The following CYSTM1 variants were observed in gnomAD, a reference collection of about 807,000 sequenced individuals.
CYSTM1 encodes the protein cysteine rich transmembrane module containing 1.
In CYSTM1, 4 loss-of-function variants were observed where a neutral mutation model predicts 13.1. The observed-to-expected ratio is 0.31, with a 90% CI of 0.15 to 0.70. The LOEUF (loss-of-function observed/expected upper bound fraction) is 0.70, where lower values mean the gene tolerates loss of function less well. CYSTM1 is among the 30% of genes least tolerant of loss of function. The probability of loss-of-function intolerance (pLI) is 0.72; values close to 1 mark genes in which losing one functional copy is unlikely to be tolerated. For synonymous variants in CYSTM1, 36 were observed against 42.7 expected (o/e 0.84, Z 0.62); for missense variants, 96 against 121.6 (o/e 0.79, Z 0.99).
intron 2 of CYSTM1, among the ~76,000 whole-genome samples, chr5:140,221,465 T>G (rs111645877): frequency 1.1e-4 from 16 of 152,374 alleles, no homozygotes; most frequent in African/African-American, 3.4e-4. Flanking sequence ...AGTGGAATCA[T>G]ATAGTATTTG....
At chr5:140,235,680 C>T (rs1267506574) in intron 2 of CYSTM1, among the ~76,000 whole-genome samples, 2 of 152,238 alleles carry the variant, frequency 1.3e-5, no homozygotes. Flanking sequence ...GCTGGGATTA[C>T]AGGCGTGAGC....
intron 1 of CYSTM1, among the ~76,000 whole-genome samples, chr5:140,177,704 C>G (rs182999161): frequency 6.6e-6 from 1 of 152,116 alleles, no homozygotes; most frequent in Admixed American, 6.5e-5. Context: ...AGTTTTTTCC[C>G]CGTGTGTTCC....
chr5:140,189,275 T>A (rs1764061136), intron 1 of CYSTM1, among the ~76,000 whole-genome samples: 1 of 152,120 alleles, frequency 6.6e-6, no homozygotes, highest in Non-Finnish European at 1.5e-5. Context: ...TCTCACTCTA[T>A]TAGTCAAGTG....
At position 140,239,255 on chromosome 5, in the gene CYSTM1, A is replaced by G. The variant is rs1244082049; in HGVS notation, c.188-4050A>G. Among the ~76,000 whole-genome samples, 1 of 152,112 alleles carries G rather than the reference A, an allele frequency of 6.6e-6. No homozygotes were observed. The highest frequency in any genetic ancestry group is 1.9e-4 in the East Asian group (1 of 5,176). On this transcript the variant is annotated intron_variant, in intron 2 of 2. Transcript: ENST00000261811. This position sits in a 1 kb window ranked among gnomAD's most constrained non-coding sequence, Gnocchi z 5.4. ...TGAGAATTGGAGCCTTCACCTGAGA[A>G]GGCCTATACTCACACTTCCTGCAGG...
At chr5:140,210,482 G>T (rs1014374386) in intron 2 of CYSTM1, among the ~76,000 whole-genome samples, 4 of 151,840 alleles carry the variant, frequency 2.6e-5, no homozygotes, top group African/African-American at 9.7e-5. Context: ...GAGAACCACT[G>T]CCATAGAGTC....
At chr5:140,217,107 C>T (rs1764438280) in intron 2 of CYSTM1, among the ~76,000 whole-genome samples, 1 of 151,940 alleles carries the variant, frequency 6.6e-6, no homozygotes, top group Admixed American at 6.6e-5. Flanking sequence ...TTTTAAGTAG[C>T]GCCTTGGTTT....
intron 1 of CYSTM1, among the ~76,000 whole-genome samples, chr5:140,183,106 T>C (rs921148512): frequency 5.3e-5 from 8 of 152,160 alleles, no homozygotes; most frequent in African/African-American, 1.9e-4. Context: ...CAAAGCCTAA[T>C]CTAATGCTCT....
intron 1 of CYSTM1, among the ~76,000 whole-genome samples, chr5:140,177,068 C>CAAG (rs1554131552): frequency 9.1e-5 from 8 of 87,950 alleles, no homozygotes; most frequent in African/African-American, 3.5e-4. Context: ...GACTCTGTCT[C>CAAG]AAAAAAAAAA....
intron 1 of CYSTM1, among the ~76,000 whole-genome samples, chr5:140,182,759 A>G (rs1358208139): frequency 6.6e-6 from 1 of 151,864 alleles, no homozygotes; most frequent in African/African-American, 2.4e-5. Context: ...CCCAATCTTC[A>G]TTGTCCGTAA....
At chr5:140,209,833 T>G (rs1764342343) in intron 2 of CYSTM1, among the ~76,000 whole-genome samples, 1 of 152,202 alleles carries the variant, frequency 6.6e-6, no homozygotes, top group Non-Finnish European at 1.5e-5. Flanking sequence ...GTACTGGGAT[T>G]ACAGGCGTGA....
At chr5:140,234,826 G>T (rs1477075034) in intron 2 of CYSTM1, among the ~76,000 whole-genome samples, 1 of 152,182 alleles carries the variant, frequency 6.6e-6, no homozygotes, top group East Asian at 1.9e-4. Flanking sequence ...TACACTGTTT[G>T]CTGCCATTGG....
chr5:140,212,917 A>G (rs938706742), intron 2 of CYSTM1, among the ~76,000 whole-genome samples: 1 of 150,348 alleles, frequency 6.7e-6, no homozygotes, highest in South Asian at 2.1e-4. Flanking sequence ...GCAGTGAGCC[A>G]TGATCATGCT....
rs998128907 is a variant in CYSTM1 at position 140,243,598 on chromosome 5, A to T, written c.*187A>T. ...TTAATTCAGTGACTTGATCTTTTTA[A>T]TGTCCAAAATCCATTTCTTATTGAT... On this transcript the variant is annotated 3_prime_UTR_variant, in exon 3 of 3. Coordinates refer to ENST00000261811, the MANE Select transcript of CYSTM1 (RefSeq NM_032412.4). The T allele has an allele frequency of 2.0e-6, 1 of 496,472 alleles. No individual in the cohort carries two copies. The highest frequency in any genetic ancestry group is 2.0e-5 in the African/African-American group (1 of 50,892). 30.8% of individuals were successfully genotyped at this position (496,472 alleles called of 1,614,324 possible).
intron 1 of CYSTM1, among the ~76,000 whole-genome samples, chr5:140,185,790 G>A (rs1764009458): frequency 6.6e-6 from 1 of 152,152 alleles, no homozygotes. Context: ...CTACAGTTCT[G>A]GAATGCCTAT....
At chr5:140,197,263 C>T (rs76789769) in intron 2 of CYSTM1, among the ~76,000 whole-genome samples, 3 of 152,126 alleles carry the variant, frequency 2.0e-5, no homozygotes, top group African/African-American at 7.2e-5. Context: ...TCTTTCTTAC[C>T]TTTCATGTAA....
At chr5:140,179,738 G>A (rs1330932683) in intron 1 of CYSTM1, among the ~76,000 whole-genome samples, 1 of 150,966 alleles carries the variant, frequency 6.6e-6, no homozygotes, top group Non-Finnish European at 1.5e-5. Context: ...TCAGCTCACT[G>A]CAACCTCTGC....
At chr5:140,238,200 C>T (rs1485634065) in intron 2 of CYSTM1, among the ~76,000 whole-genome samples, 1 of 152,120 alleles carries the variant, frequency 6.6e-6, no homozygotes, top group Non-Finnish European at 1.5e-5. Context: ...GGAAGAGAGG[C>T]TCGGGAGGCC....
At chr5:140,183,301 T>TC (rs1196279900) in intron 1 of CYSTM1, among the ~76,000 whole-genome samples, 1 of 152,138 alleles carries the variant, frequency 6.6e-6, no homozygotes, top group Non-Finnish European at 1.5e-5. Context: ...TCCTTTCAAT[T>TC]CCCCAACTCA....
intron 2 of CYSTM1, among the ~76,000 whole-genome samples, chr5:140,196,890 T>A (rs1764165698): frequency 6.6e-6 from 1 of 152,218 alleles, no homozygotes; most frequent in African/African-American, 2.4e-5. Context: ...GGTTATTCAT[T>A]GGGTTAGGAA....
Sources: gnomAD v4.1 joint callset for allele counts (sites outside exome capture counted in the v4.1 genomes callset) on GRCh38, gnomAD v4.1.1 for gene constraint, Gnocchi (gnomAD v3.1) non-coding constraint, MANE v1.5 for transcripts, NCBI Gene and HGNC (gene_info 2026-07-23, HGNC 2026-07-21) for gene names.